GSK3B: variants seen among roughly 807,000 people sequenced by gnomAD.
GSK3B encodes glycogen synthase kinase 3 beta.
Under a neutral mutation model 56.4 loss-of-function variants are expected in GSK3B, and 15 were observed. That is an observed-to-expected ratio of 0.27 (90% CI 0.18 to 0.41). The LOEUF (loss-of-function observed/expected upper bound fraction) is 0.41. Among genes scored for constraint, GSK3B ranks in the 10% least tolerant of loss-of-function variants. The probability of loss-of-function intolerance (pLI) is 1.00; values close to 1 mark genes in which losing one functional copy is unlikely to be tolerated. For missense variants in GSK3B, 300 were observed against 513.4 expected (o/e 0.58, Z 4.02); for synonymous variants, 181 against 188.9 (o/e 0.96, Z 0.34).
chr3:120,019,987 C>T (rs944155209), intron 1 of GSK3B, among the ~76,000 whole-genome samples: 3 of 152,160 alleles, frequency 2.0e-5, no homozygotes, highest in Admixed American at 6.6e-5. Flanking sequence ...TGAAAAAATA[C>T]TTTCTAAGTT....
chr3:120,083,457 T>C (rs1460078782), intron 1 of GSK3B, among the ~76,000 whole-genome samples: 1 of 151,944 alleles, frequency 6.6e-6, no homozygotes, highest in Non-Finnish European at 1.5e-5. Context: ...TCTGATAAAT[T>C]GGTACATTTG....
At chr3:119,852,632 G>C (rs2055952649) in intron 9 of GSK3B, among the ~76,000 whole-genome samples, 1 of 152,150 alleles carries the variant, frequency 6.6e-6, no homozygotes, top group African/African-American at 2.4e-5. Context: ...AGAAGTGTAA[G>C]CCACTGCACC....
At chr3:119,963,135 A>G (rs2057288207) in intron 2 of GSK3B, among the ~76,000 whole-genome samples, 1 of 152,202 alleles carries the variant, frequency 6.6e-6, no homozygotes, top group South Asian at 2.1e-4. Flanking sequence ...AATTAACTTA[A>G]CCAAGGAGGT....
intron 3 of GSK3B, among the ~76,000 whole-genome samples, chr3:119,930,123 ACG>A (rs1491161921): frequency 7.3e-6 from 1 of 136,992 alleles, no homozygotes; most frequent in Non-Finnish European, 1.7e-5. Context: ...ACACACACAC[ACG>A]TGCGCATGCA....
intron 10 of GSK3B, among the ~76,000 whole-genome samples, chr3:119,829,831 G>C (rs2055570765): frequency 1.3e-5 from 2 of 152,170 alleles, no homozygotes; most frequent in South Asian, 4.1e-4. Flanking sequence ...GACCTGTAAT[G>C]ATCTCATATT....
At chr3:119,863,346 T>C (rs1229090768) in intron 9 of GSK3B, 73 bp downstream of exon 9, 1 of 1,199,738 alleles carries the variant, frequency 8.3e-7, no homozygotes, top group African/African-American at 1.5e-5. Flanking sequence ...AGATTTTAAT[T>C]AATAGAATGT....
intron 3 of GSK3B, among the ~76,000 whole-genome samples, chr3:119,923,895 C>G (rs1216024196): frequency 6.6e-6 from 1 of 152,150 alleles, no homozygotes; most frequent in Non-Finnish European, 1.5e-5. Context: ...ATTTCTAGCC[C>G]TAGCTCTGCT....
chr3:119,992,306 G>C (rs1042156000), intron 2 of GSK3B, among the ~76,000 whole-genome samples: 1 of 152,026 alleles, frequency 6.6e-6, no homozygotes, highest in Non-Finnish European at 1.5e-5. Flanking sequence ...TCCAGAAATA[G>C]AGCCAAGTAC....
At chr3:120,056,909 G>A (rs1286580053) in intron 1 of GSK3B, among the ~76,000 whole-genome samples, 5 of 152,152 alleles carry the variant, frequency 3.3e-5, no homozygotes, top group Admixed American at 6.5e-5. Context: ...TTGGGAGGCC[G>A]AGGCAGGCGG....
intron 8 of GSK3B, among the ~76,000 whole-genome samples, chr3:119,865,707 G>A (rs2056174148): frequency 6.6e-6 from 1 of 151,606 alleles, no homozygotes; most frequent in Non-Finnish European, 1.5e-5. Context: ...CTGACCTCAT[G>A]ATCCGCCCGC....
At chr3:119,930,120 C>T (rs1299273217) in intron 3 of GSK3B, among the ~76,000 whole-genome samples, 4 of 150,686 alleles carry the variant, frequency 2.7e-5, no homozygotes, top group Non-Finnish European at 4.4e-5. Context: ...CACACACACA[C>T]ACACGTGCGC....
intron 2 of GSK3B, among the ~76,000 whole-genome samples, chr3:119,995,211 CTATG>C (rs1357234374): frequency 6.6e-6 from 1 of 151,166 alleles, no homozygotes; most frequent in East Asian, 1.9e-4. Flanking sequence ...TGGCGCACAC[CTATG>C]GTTATCTACT....
chr3:119,964,244 A>C (rs2057299675), intron 2 of GSK3B, among the ~76,000 whole-genome samples: 1 of 152,232 alleles, frequency 6.6e-6, no homozygotes, highest in Non-Finnish European at 1.5e-5. Flanking sequence ...ATGCAAAAAG[A>C]CCATATGATC....
At chr3:119,956,490 A>T (rs2057216269) in intron 2 of GSK3B, among the ~76,000 whole-genome samples, 1 of 152,254 alleles carries the variant, frequency 6.6e-6, no homozygotes, top group Non-Finnish European at 1.5e-5. Context: ...CTGAAAATCC[A>T]AAATTCAAAA....
intron 2 of GSK3B, among the ~76,000 whole-genome samples, chr3:119,985,607 C>T (rs1276084873): frequency 1.3e-5 from 2 of 152,066 alleles, no homozygotes; most frequent in Non-Finnish European, 2.9e-5. Flanking sequence ...GAATTAAATA[C>T]CTAGGAATAC....
At chr3:119,979,535 G>A (rs2057440843) in intron 2 of GSK3B, among the ~76,000 whole-genome samples, 1 of 152,090 alleles carries the variant, frequency 6.6e-6, no homozygotes, top group Non-Finnish European at 1.5e-5. Flanking sequence ...TCCCTCTCTG[G>A]GAAGTGGCTG....
intron 2 of GSK3B, among the ~76,000 whole-genome samples, chr3:119,990,901 C>T (rs1006094720): frequency 3.3e-5 from 5 of 152,152 alleles, no homozygotes; most frequent in African/African-American, 1.2e-4. Context: ...GCACTCCAGC[C>T]TGGGCAACAA....
chr3:119,865,839 G>A (rs566726756), intron 8 of GSK3B, among the ~76,000 whole-genome samples: 11 of 151,812 alleles, frequency 7.2e-5, no homozygotes, highest in African/African-American at 1.9e-4. Context: ...CATCCATATC[G>A]GTACTAAGAC....
At chr3:119,928,151 T>A (rs562784270) in intron 3 of GSK3B, among the ~76,000 whole-genome samples, 22 of 152,162 alleles carry the variant, frequency 1.4e-4, no homozygotes, top group Non-Finnish European at 2.9e-4. Context: ...TCTCACAAAG[T>A]CTCTGGTGAT....
Sources: gnomAD v4.1 joint callset for allele counts (sites outside exome capture counted in the v4.1 genomes callset) on GRCh38, gnomAD v4.1.1 for gene constraint, MANE v1.5 for transcripts, NCBI Gene and HGNC (gene_info 2026-07-23, HGNC 2026-07-21) for gene names.